ASPRV1: variants seen among roughly 807,000 people sequenced by gnomAD.
ASPRV1 encodes retroviral-like aspartic protease 1.
ASPRV1 carries 7 observed loss-of-function variants against 11.0 expected under a neutral mutation model. The observed-to-expected ratio is 0.64, with a 90% CI of 0.36 to 1.20. The LOEUF (loss-of-function observed/expected upper bound fraction) is 1.20. ASPRV1 is among the 50% of genes most tolerant of loss of function. The pLI is 0.02. For missense variants in ASPRV1, 299 were observed against 320.0 expected (o/e 0.93, Z 0.50); for synonymous variants, 136 against 138.4 (o/e 0.98, Z 0.12).
chr2:70,001,747 CGA>C, the ASPRV1 span, among the ~76,000 whole-genome samples: 6 of 151,704 alleles, frequency 4.0e-5, no homozygotes, highest in Admixed American at 1.3e-4. Flanking sequence ...GCAGCAAGAG[CGA>C]AACTCCATCT....
chr2:69,969,959 TG>T, the ASPRV1 span, among the ~76,000 whole-genome samples: 1 of 151,844 alleles, frequency 6.6e-6, no homozygotes. Flanking sequence ...CTCTAACTCC[TG>T]GGCTCAAGCA....
chr2:69,939,825 G>A, the ASPRV1 span: 1 of 152,378 alleles, frequency 6.6e-6, no homozygotes, highest in Non-Finnish European at 1.5e-5. Context: ...GCAGCGGGCA[G>A]CCACCCCACG....
Position 69,961,539 on chromosome 2 carries a change from C to A in ASPRV1, c.-103G>T, listed in dbSNP as rs760210807. Reference sequence around the variant, plus strand: ...CGCTGGAAAACGGGGCCTCTCGAAGCAGAGTGGGGATGACTTGCCCGGCCT... The same window carrying A: ...CGCTGGAAAACGGGGCCTCTCGAAGAAGAGTGGGGATGACTTGCCCGGCCT... On this transcript the variant is annotated 5_prime_UTR_variant, in exon 1 of 1. Coordinates refer to ENST00000320256, the MANE Select transcript of ASPRV1 (RefSeq NM_152792.4). The A allele has an allele frequency of 5.0e-6, 8 of 1,614,122 alleles. No homozygotes were observed. The South Asian group carries it at 8.8e-5, about 18-fold the overall frequency.
the ASPRV1 span, among the ~76,000 whole-genome samples, chr2:70,079,042 T>G: frequency 3.3e-5 from 5 of 152,132 alleles, no homozygotes; most frequent in Non-Finnish European, 7.3e-5. Flanking sequence ...TCTCTATATA[T>G]TCAATACACA....
the ASPRV1 span, among the ~76,000 whole-genome samples, chr2:70,075,438 G>A: frequency 6.7e-6 from 1 of 150,346 alleles, no homozygotes; most frequent in African/African-American, 2.4e-5. Flanking sequence ...TGTGCAACTT[G>A]AAGCAAGTTT....
At chr2:70,014,289 A>G in the ASPRV1 span, among the ~76,000 whole-genome samples, 2 of 152,190 alleles carry the variant, frequency 1.3e-5, no homozygotes, top group Non-Finnish European at 2.9e-5. Flanking sequence ...AACATTGAGG[A>G]TACATAGAGA....
At chr2:69,958,995 C>T (rs77506534), downstream of ASPRV1, among the ~76,000 whole-genome samples, 452 of 152,232 alleles carry the variant, frequency 3.0e-3, 4 homozygotes, top group African/African-American at 0.01. Flanking sequence ...CGGTAAACCC[C>T]GAGGATTAGG....
At chr2:69,989,817 G>A in the ASPRV1 span, among the ~76,000 whole-genome samples, 1 of 152,210 alleles carries the variant, frequency 6.6e-6, no homozygotes, top group African/African-American at 2.4e-5. Flanking sequence ...GCTGGGCTGT[G>A]ACTTCTTGAA....
At chr2:70,042,318 G>C in the ASPRV1 span, among the ~76,000 whole-genome samples, 1 of 152,144 alleles carries the variant, frequency 6.6e-6, no homozygotes, top group South Asian at 2.1e-4. Flanking sequence ...AGAGCACTAG[G>C]CGAAGTTCAA....
the ASPRV1 span, chr2:69,994,391 T>C: frequency 6.6e-6 from 1 of 152,392 alleles, no homozygotes; most frequent in Non-Finnish European, 1.5e-5. Flanking sequence ...TCTGTGGCCA[T>C]GGCCATTTTA....
At chr2:70,061,862 C>G in the ASPRV1 span, among the ~76,000 whole-genome samples, 4 of 151,548 alleles carry the variant, frequency 2.6e-5, no homozygotes, top group African/African-American at 9.7e-5. Flanking sequence ...ACTCTGCAGG[C>G]TGAGGCAGGA....
the ASPRV1 span, among the ~76,000 whole-genome samples, chr2:70,026,192 G>A: frequency 2.0e-5 from 3 of 152,122 alleles, no homozygotes; most frequent in Non-Finnish European, 2.9e-5. Flanking sequence ...GATGGCGCAC[G>A]CCTGTAATCC....
the ASPRV1 span, among the ~76,000 whole-genome samples, chr2:70,042,801 G>C: frequency 6.6e-6 from 1 of 152,112 alleles, no homozygotes; most frequent in Admixed American, 6.5e-5. Flanking sequence ...CAAACTTTGG[G>C]GGATAGGGAG....
the ASPRV1 span, among the ~76,000 whole-genome samples, chr2:70,021,220 A>C: frequency 6.6e-6 from 1 of 152,142 alleles, no homozygotes; most frequent in Non-Finnish European, 1.5e-5. Flanking sequence ...ATGTTGTCAC[A>C]GATAGCAGGA....
the ASPRV1 span, chr2:70,087,086 T>TTTA: frequency 6.6e-6 from 1 of 151,094 alleles, no homozygotes; most frequent in East Asian, 2.0e-4. Flanking sequence ...ACGCGCATGT[T>TTTA]TTAAACCCGC....
chr2:70,010,460 G>A, the ASPRV1 span, among the ~76,000 whole-genome samples: 1 of 152,150 alleles, frequency 6.6e-6, no homozygotes, highest in Non-Finnish European at 1.5e-5. Flanking sequence ...CTGAGAGAGT[G>A]AGCAAGCAGC....
the ASPRV1 span, among the ~76,000 whole-genome samples, chr2:69,989,645 CACGG>C: frequency 6.6e-6 from 1 of 152,218 alleles, no homozygotes; most frequent in Non-Finnish European, 1.5e-5. Flanking sequence ...GCCTGATGAG[CACGG>C]GAAAACAAGA....
chr2:70,013,835 C>T, the ASPRV1 span, among the ~76,000 whole-genome samples: 1,225 of 152,242 alleles, frequency 8.0e-3, 17 homozygotes, highest in African/African-American at 0.027. Flanking sequence ...GAGCTGCAAT[C>T]GCACCACTGC....
At chr2:70,052,736 G>A in the ASPRV1 span, among the ~76,000 whole-genome samples, 1 of 152,172 alleles carries the variant, frequency 6.6e-6, no homozygotes, top group African/African-American at 2.4e-5. Flanking sequence ...GAATCTGGAT[G>A]GGATTCCTCT....
Sources: allele counts gnomAD v4.1 joint callset (sites outside exome capture counted in the v4.1 genomes callset), GRCh38; gene constraint gnomAD v4.1.1; transcripts MANE v1.5; gene names NCBI Gene and HGNC (gene_info 2026-07-23, HGNC 2026-07-21).